Variants in CCSER1 observed in about 807,000 individuals in gnomAD.
CCSER1 encodes the protein coiled-coil serine rich protein 1.
Under a neutral mutation model 82.0 loss-of-function variants are expected in CCSER1, and 41 were observed. The ratio of observed to expected loss-of-function variants is 0.50; its 90% confidence interval spans 0.39 to 0.65. CCSER1 has a LOEUF of 0.65. Ranked by LOEUF, CCSER1 falls within the 30% of genes least tolerant of loss-of-function variation. CCSER1 has a pLI of 0.00. For missense variants in CCSER1, 1,119 were observed against 1,064.2 expected (o/e 1.05, Z -0.72); for synonymous variants, 414 against 383.9 (o/e 1.08, Z -0.92).
At chr4:91,293,936 C>T (rs1743964291) in intron 10 of CCSER1, among the ~76,000 whole-genome samples, 1 of 151,946 alleles carries the variant, frequency 6.6e-6, no homozygotes, top group South Asian at 2.1e-4. Flanking sequence ...TGAAAGCTTT[C>T]CTCTGGCCTT....
chr4:91,540,817 G>A (rs1761552146), intron 10 of CCSER1, among the ~76,000 whole-genome samples: 1 of 152,086 alleles, frequency 6.6e-6, no homozygotes, highest in African/African-American at 2.4e-5. Context: ...TTGGTTCACT[G>A]TATTGCCTTT....
chr4:91,445,202 G>A (rs553561517), intron 10 of CCSER1, among the ~76,000 whole-genome samples: 34 of 151,964 alleles, frequency 2.2e-4, no homozygotes, highest in African/African-American at 5.5e-4. Context: ...GGCTTTTCTT[G>A]CCTGCTGCTG....
rs1048857308 is a variant in CCSER1 at position 90,923,433 on chromosome 4, C to G, written c.2158C>G (p.Leu720Val). The change falls in exon 9 of 11, where the codon CTA becomes GTA. Residue 720 changes from leucine (L) to valine (V), a missense_variant. By Grantham distance (32) the Leu-to-Val change is conservative. Transcript: ENST00000509176. ...SRVDKSTQTE[L>V]LCYDGLNLKR... is the part of the protein sequence containing the mutation. ...AGTAGATAAATCCACACAGACTGAA[C>G]TACTATGCTATGATGTAAGTAGCTC... 47 of 1,550,554 alleles carry G rather than the reference C, an allele frequency of 3.0e-5. No homozygotes were observed. In the East Asian group the frequency reaches 3.2e-4, roughly 10 times the overall value.
chr4:91,092,292 C>G (rs926642552), intron 10 of CCSER1, among the ~76,000 whole-genome samples: 4 of 152,128 alleles, frequency 2.6e-5, no homozygotes, highest in Non-Finnish European at 5.9e-5. Context: ...TAGAGGCAGT[C>G]CAAACCTAGG....
chr4:90,522,232 C>A (rs1015723020), intron 5 of CCSER1, among the ~76,000 whole-genome samples: 1 of 152,138 alleles, frequency 6.6e-6, no homozygotes, highest in African/African-American at 2.4e-5. Flanking sequence ...TCTAATGAAT[C>A]TCTGAAGCTA....
At chr4:90,696,936 A>G (rs17017429) in intron 6 of CCSER1, among the ~76,000 whole-genome samples, 7,545 of 152,240 alleles carry the variant, frequency 0.05, 277 homozygotes, top group East Asian at 0.16. Flanking sequence ...CAGCTGGGAA[A>G]AAAATGAATA....
chr4:90,387,542 G>A (rs1307795339), intron 3 of CCSER1, among the ~76,000 whole-genome samples: 1 of 152,180 alleles, frequency 6.6e-6, no homozygotes, highest in African/African-American at 2.4e-5. Flanking sequence ...GGCTGACTAA[G>A]CCAGAAAGAT....
intron 1 of CCSER1, among the ~76,000 whole-genome samples, chr4:90,227,208 A>C (rs921563620): frequency 1.3e-5 from 2 of 152,206 alleles, no homozygotes; most frequent in Non-Finnish European, 2.9e-5. Flanking sequence ...TGGCAAATCT[A>C]TCAGATTAAT....
chr4:90,760,433 G>A (rs1224131874), intron 7 of CCSER1, among the ~76,000 whole-genome samples: 5 of 151,772 alleles, frequency 3.3e-5, no homozygotes, highest in African/African-American at 7.3e-5. Flanking sequence ...ATCTTTTACA[G>A]CACTTAATAT....
intron 10 of CCSER1, among the ~76,000 whole-genome samples, chr4:91,514,497 T>C (rs1759994451): frequency 6.6e-6 from 1 of 152,208 alleles, no homozygotes; most frequent in African/African-American, 2.4e-5. Context: ...AAGTGCATAA[T>C]TTCTTTGTTA....
intron 10 of CCSER1, among the ~76,000 whole-genome samples, chr4:91,570,425 T>G (rs1763119192): frequency 6.6e-6 from 1 of 152,176 alleles, no homozygotes; most frequent in Non-Finnish European, 1.5e-5. Context: ...TGAAGGCTCC[T>G]CCCCTGCAGC....
At chr4:90,505,813 T>A (rs539268629) in intron 5 of CCSER1, among the ~76,000 whole-genome samples, 1 of 152,280 alleles carries the variant, frequency 6.6e-6, no homozygotes, top group Admixed American at 6.5e-5. Context: ...GCCATCTTGG[T>A]TTTGGCAGAT....
At chr4:90,407,600 A>G (rs897748508) in intron 4 of CCSER1, among the ~76,000 whole-genome samples, 1 of 152,224 alleles carries the variant, frequency 6.6e-6, no homozygotes, top group African/African-American at 2.4e-5. Flanking sequence ...AAAAATTCTC[A>G]GAAAAATACT....
intron 6 of CCSER1, among the ~76,000 whole-genome samples, chr4:90,711,075 T>C (rs937991693): frequency 6.6e-5 from 10 of 152,238 alleles, no homozygotes; most frequent in Non-Finnish European, 1.0e-4. Flanking sequence ...CCTAGGAATT[T>C]TATTCTTTTT....
intron 10 of CCSER1, among the ~76,000 whole-genome samples, chr4:91,389,633 C>T (rs542098980): frequency 6.6e-5 from 10 of 151,862 alleles, no homozygotes; most frequent in East Asian, 3.9e-4. Context: ...GCTGAGATTT[C>T]GGTGGGGATT....
chr4:90,957,532 A>ATAT lies in CCSER1; in HGVS notation c.2172+34086_2172+34088dup, dbSNP rs1333648691. 2.4e-3 allele frequency among the ~76,000 whole-genome samples: 295 copies of ATAT among 121,268 alleles called. 1 individual carries two copies. Among genetic ancestry groups the ATAT allele is most frequent in the Non-Finnish European group, 3.0e-3 (189 of 62,550 alleles). 79.6% of individuals were successfully genotyped at this position (121,268 alleles called of 152,430 possible). A position where few individuals can be genotyped will look rare whatever the true frequency, so the allele number is the denominator to read the frequency against. On this transcript the variant is annotated intron_variant, in intron 9 of 10. Coordinates refer to ENST00000509176, the MANE Select transcript of CCSER1 (RefSeq NM_001145065.2). Reference sequence around the variant, plus strand: ...ATAATATAACATAATATCATATATTATATATATTATATAATTATATTATAT... The same window carrying ATAT: ...ATAATATAACATAATATCATATATTATATTATATATTATATAATTATATTATAT...
intron 6 of CCSER1, among the ~76,000 whole-genome samples, chr4:90,653,207 A>G (rs1398800774): frequency 2.0e-5 from 3 of 152,142 alleles, no homozygotes; most frequent in Admixed American, 2.0e-4. Context: ...TATTTGAGAG[A>G]TTATATCCTC....
At position 90,821,718 on chromosome 4, in the gene CCSER1, CTT is replaced by C. The variant is rs1409890872; in HGVS notation, c.2094+5874_2094+5875del. Among the ~76,000 whole-genome samples the C allele has an allele frequency of 2.0e-5, 3 of 152,184 alleles. No individual in the cohort carries two copies. The East Asian group carries it at 5.8e-4, about 29-fold the overall frequency. On this transcript the variant is annotated intron_variant, in intron 8 of 10. Transcript: ENST00000509176. ...TGCATCATAAGTTTAATTTATTACA[CTT>C]AATGATATAAAACAGAGAGATATTT...
chr4:91,311,646 A>T (rs1388239034), intron 10 of CCSER1, among the ~76,000 whole-genome samples: 1 of 151,848 alleles, frequency 6.6e-6, no homozygotes, highest in Non-Finnish European at 1.5e-5. Context: ...TAATTTTTTT[A>T]AAAATATAAT....
Sources: allele counts gnomAD v4.1 joint callset (sites outside exome capture counted in the v4.1 genomes callset), GRCh38; gene constraint gnomAD v4.1.1; transcripts MANE v1.5; gene names NCBI Gene and HGNC (gene_info 2026-07-23, HGNC 2026-07-21).